Variants in LRRC3B observed in about 807,000 individuals in gnomAD.
LRRC3B encodes the protein leucine rich repeat containing 3B, also known as leucine-rich repeat-containing protein 3B.
In LRRC3B, 2 loss-of-function variants were observed where a neutral mutation model predicts 12.8. The observed-to-expected ratio is 0.16, with a 90% confidence interval of 0.06 to 0.49. The LOEUF (loss-of-function observed/expected upper bound fraction) is 0.49. Among genes scored for constraint, LRRC3B ranks in the 20% least tolerant of loss-of-function variants. The pLI is 0.96. For synonymous variants in LRRC3B, 132 were observed against 122.0 expected (o/e 1.08, Z -0.54); for missense variants, 189 against 319.4 (o/e 0.59, Z 3.11).
chr3:26,644,228 G>T (rs573676640), intron 1 of LRRC3B, among the ~76,000 whole-genome samples: 2 of 152,200 alleles, frequency 1.3e-5, no homozygotes, highest in African/African-American at 4.8e-5. Flanking sequence ...GGTAGTATTC[G>T]AGTGACTAAT....
chr3:26,635,366 C>T (rs1698844034), intron 1 of LRRC3B, among the ~76,000 whole-genome samples: 1 of 152,126 alleles, frequency 6.6e-6, no homozygotes, highest in Non-Finnish European at 1.5e-5. Flanking sequence ...AGTCCTAACC[C>T]CCAATGTGAT....
At chr3:26,651,578 TACTC>T (rs1358516637) in intron 1 of LRRC3B, among the ~76,000 whole-genome samples, 4 of 152,120 alleles carry the variant, frequency 2.6e-5, no homozygotes. Flanking sequence ...ATAAAGTCAA[TACTC>T]AATAAATATC....
chr3:26,707,161 G>T (rs1260360122), intron 1 of LRRC3B, among the ~76,000 whole-genome samples: 1 of 150,344 alleles, frequency 6.7e-6, no homozygotes, highest in Admixed American at 6.6e-5. Flanking sequence ...AGACCAGCCT[G>T]GCCAACATGG....
chr3:26,703,583 G>A (rs1038447499), intron 1 of LRRC3B, among the ~76,000 whole-genome samples: 1 of 151,972 alleles, frequency 6.6e-6, no homozygotes, highest in African/African-American at 2.4e-5. Context: ...TACATTTCGT[G>A]TTCTTTGGTT....
At chr3:26,623,463 T>C (rs1256117708) in intron 1 of LRRC3B, among the ~76,000 whole-genome samples, 1 of 152,134 alleles carries the variant, frequency 6.6e-6, no homozygotes, top group Non-Finnish European at 1.5e-5. Flanking sequence ...TGCTATACAA[T>C]AGTCTGCAAA....
In LRRC3B at chr3:26,647,164, C is replaced by G. The variant is rs371995784; in HGVS notation, c.-161+23927C>G. Among the ~76,000 whole-genome samples, 23 of 152,196 alleles carry G rather than the reference C, an allele frequency of 1.5e-4. No homozygotes were observed. The South Asian group carries it at 4.8e-3, about 32-fold the overall frequency. ...CAATCACCCCATGGCATGCTAATCA[C>G]TTTTTTCAGTTCTCAGCTCAAATGT... On this transcript the variant is annotated intron_variant, in intron 1 of 1. Transcript: ENST00000396641.
At chr3:26,652,288 T>G (rs1487299909) in intron 1 of LRRC3B, among the ~76,000 whole-genome samples, 1 of 152,236 alleles carries the variant, frequency 6.6e-6, no homozygotes, top group Non-Finnish European at 1.5e-5. Context: ...GAAGGACAGC[T>G]GGGGCCTGCG....
chr3:26,697,665 A>G (rs1247192790), intron 1 of LRRC3B, among the ~76,000 whole-genome samples: 5 of 152,148 alleles, frequency 3.3e-5, no homozygotes, highest in Admixed American at 3.3e-4. Context: ...ATCATATTCA[A>G]ACATCCCCCA....
At chr3:26,701,022 G>C (rs1700439961) in intron 1 of LRRC3B, among the ~76,000 whole-genome samples, 1 of 151,998 alleles carries the variant, frequency 6.6e-6, no homozygotes, top group African/African-American at 2.4e-5. Context: ...TCTAGTCCCT[G>C]AATGCAAACA....
chr3:26,669,632 A>C (rs374023502), intron 1 of LRRC3B, among the ~76,000 whole-genome samples: 117 of 152,326 alleles, frequency 7.7e-4, no homozygotes, highest in African/African-American at 2.7e-3. Context: ...ATTTGAAGAG[A>C]GCAAACCAAT....
intron 1 of LRRC3B, among the ~76,000 whole-genome samples, chr3:26,666,798 C>T (rs1436011197): frequency 6.6e-6 from 1 of 152,096 alleles, no homozygotes; most frequent in Non-Finnish European, 1.5e-5. Flanking sequence ...AGTTGTCATA[C>T]CACCCTTTTC....
chr3:26,695,817 G>T (rs1295678882), intron 1 of LRRC3B, among the ~76,000 whole-genome samples: 3 of 152,190 alleles, frequency 2.0e-5, no homozygotes, highest in African/African-American at 7.2e-5. Flanking sequence ...CAAAAGGACT[G>T]AGACAATGGT....
At chr3:26,696,555 G>A (rs28688680) in intron 1 of LRRC3B, among the ~76,000 whole-genome samples, 2 of 152,022 alleles carry the variant, frequency 1.3e-5, no homozygotes, top group Non-Finnish European at 2.9e-5. Flanking sequence ...TCCATTTTGC[G>A]TAGGACTGTT....
chr3:26,660,234 C>T (rs1038545686), intron 1 of LRRC3B, among the ~76,000 whole-genome samples: 2 of 152,114 alleles, frequency 1.3e-5, no homozygotes, highest in Admixed American at 1.3e-4. Context: ...AGTAGAGTTG[C>T]CCCTTAATTA....
At chr3:26,700,348 A>G (rs1700422779) in intron 1 of LRRC3B, among the ~76,000 whole-genome samples, 1 of 152,162 alleles carries the variant, frequency 6.6e-6, no homozygotes, top group Non-Finnish European at 1.5e-5. Context: ...TCATATAAAA[A>G]GTGGCCAGGA....
rs1559361621 is a variant in LRRC3B at position 26,671,348 on chromosome 3, G to GTATATA, written c.-160-38164_-160-38163insATATAT. On this transcript the variant is annotated intron_variant, in intron 1 of 1. Transcript: ENST00000396641. ...CTTATAAATGTGTGTGTATATATGTGTGTATATATATATATATATATATAT... is the reference window on the plus strand; with the variant it reads ...CTTATAAATGTGTGTGTATATATGTGTATATATGTATATATATATATATATATATAT... Among the ~76,000 whole-genome samples the GTATATA allele has an allele frequency of 7.7e-4, 51 of 66,348 alleles. 7 individuals are homozygous for GTATATA. Among genetic ancestry groups the GTATATA allele is most frequent in the East Asian group, 2.7e-3 (4 of 1,486 alleles). 43.5% of individuals were successfully genotyped at this position (66,348 alleles called of 152,430 possible). A position where few individuals can be genotyped will look rare whatever the true frequency, so the allele number is the denominator to read the frequency against.
At chr3:26,636,972 T>TCTC (rs1698912543) in intron 1 of LRRC3B, among the ~76,000 whole-genome samples, 1 of 76,104 alleles carries the variant, frequency 1.3e-5, no homozygotes, top group Non-Finnish European at 2.5e-5. Flanking sequence ...CTTTCTTTCT[T>TCTC]TCTCTCTCTC....
intron 1 of LRRC3B, among the ~76,000 whole-genome samples, chr3:26,671,373 T>TAGAGAG (rs1195473054): frequency 0.019 from 544 of 28,260 alleles, 47 homozygotes; most frequent in African/African-American, 0.023. Context: ...TATATATATA[T>TAGAGAG]AGAGAGAGAG....
intron 1 of LRRC3B, among the ~76,000 whole-genome samples, chr3:26,636,968 T>TCTCTCTCTC (rs1559350436): frequency 1.5e-5 from 1 of 66,214 alleles, no homozygotes; most frequent in South Asian, 5.7e-4. Context: ...CTTTCTTTCT[T>TCTCTCTCTC]TCTTTCTCTC....
Sources: allele counts gnomAD v4.1 joint callset (sites outside exome capture counted in the v4.1 genomes callset), GRCh38; gene constraint gnomAD v4.1.1; transcripts MANE v1.5; gene names NCBI Gene and HGNC (gene_info 2026-07-23, HGNC 2026-07-21).